TMCO4: variants seen among roughly 807,000 people sequenced by gnomAD.
TMCO4 encodes the protein transmembrane and coiled-coil domain-containing protein 4.
TMCO4 carries 58 observed loss-of-function variants against 64.7 expected under a neutral mutation model. The ratio of observed to expected loss-of-function variants is 0.90; its 90% CI spans 0.73 to 1.12. The LOEUF (loss-of-function observed/expected upper bound fraction) is 1.12. Among genes scored for constraint, TMCO4 ranks in the 50% most tolerant of loss-of-function variants. The probability of loss-of-function intolerance (pLI) is 0.00; values close to 1 mark genes in which losing one functional copy is unlikely to be tolerated. For missense variants in TMCO4, 780 were observed against 825.9 expected, an observed-to-expected ratio of 0.94 and a Z score of 0.68; for synonymous variants, 325 against 346.1, an observed-to-expected ratio of 0.94 and a Z score of 0.68.
At chr1:19,776,881 GC>G (rs1446044771) in intron 4 of TMCO4, among the ~76,000 whole-genome samples, 2 of 152,172 alleles carry the variant, frequency 1.3e-5, no homozygotes, top group East Asian at 3.9e-4. Context: ...ACGAAAATTA[GC>G]CAGGCATGGT....
chr1:19,790,046 ACTCTGC>A (rs1343794771), intron 2 of TMCO4, among the ~76,000 whole-genome samples: 11 of 144,568 alleles, frequency 7.6e-5, no homozygotes, highest in South Asian at 4.5e-4. Flanking sequence ...ACAGAGTGAG[ACTCTGC>A]CTCAGAAAAA....
chr1:19,689,785 C>T (rs2095177588), intron 15 of TMCO4, among the ~76,000 whole-genome samples: 2 of 152,244 alleles, frequency 1.3e-5, no homozygotes, highest in Non-Finnish European at 2.9e-5. Context: ...TGCTCCCTTT[C>T]ACCCCATTCA....
In TMCO4 at chr1:19,732,737, G is replaced by C. The variant is rs1412469200; in HGVS notation, c.1264+4635C>G. 6.6e-6 allele frequency among the ~76,000 whole-genome samples: 1 copy of C among 151,812 alleles called. No homozygotes were observed. Among genetic ancestry groups the C allele is most frequent in the African/African-American group, 2.4e-5 (1 of 41,352 alleles). On this transcript the variant is annotated intron_variant, in intron 13 of 15. Coordinates refer to ENST00000294543, the MANE Select transcript of TMCO4 (RefSeq NM_181719.7). This position sits in a 1 kb window ranked among gnomAD's most constrained non-coding sequence, Gnocchi z 4.8. Reference sequence around the variant, plus strand: ...GAGACCCTGTCTTTAAAAAAATGAAGAATGTGTTTAGAGTTTTCTGGGCCC... The same window carrying C: ...GAGACCCTGTCTTTAAAAAAATGAACAATGTGTTTAGAGTTTTCTGGGCCC...
chr1:19,759,673 A>ATCAGTCAGGTCTCCACTTAAATATCACT (rs2042413633), intron 6 of TMCO4, among the ~76,000 whole-genome samples: 2 of 152,002 alleles, frequency 1.3e-5, no homozygotes, highest in Non-Finnish European at 2.9e-5. Context: ...GCCCTTTCCC[A>ATCAGTCAGGTCTCCACTTAAATATCACT]TCAGTCAGGT....
chr1:19,776,000 C>T (rs927463773), intron 4 of TMCO4, among the ~76,000 whole-genome samples: 4 of 152,184 alleles, frequency 2.6e-5, no homozygotes, highest in African/African-American at 9.7e-5. Context: ...CCCCACCTCC[C>T]GGATTCAAGC....
chr1:19,751,040 C>T (rs538403455), intron 7 of TMCO4, among the ~76,000 whole-genome samples: 28 of 152,350 alleles, frequency 1.8e-4, no homozygotes, highest in African/African-American at 6.7e-4. Context: ...ACAAGTTCCT[C>T]CTCCAGGGAT....
At chr1:19,797,498 G>A (rs192542944) in intron 2 of TMCO4, among the ~76,000 whole-genome samples, 2 of 152,244 alleles carry the variant, frequency 1.3e-5, no homozygotes, top group Admixed American at 1.3e-4. Flanking sequence ...CTGAGATGCG[G>A]CTGGAGGTGT....
chr1:19,771,977 T>C (rs1339388065), intron 4 of TMCO4, among the ~76,000 whole-genome samples: 2 of 152,054 alleles, frequency 1.3e-5, no homozygotes, highest in African/African-American at 4.8e-5. Context: ...TGGATTTTGG[T>C]TTCTTCTCTC....
intron 2 of TMCO4, among the ~76,000 whole-genome samples, chr1:19,791,524 G>A (rs2044037601): frequency 6.6e-6 from 1 of 152,168 alleles, no homozygotes; most frequent in African/African-American, 2.4e-5. Context: ...GTGTGGGAAT[G>A]CGTCACCTGC....
rs2095487528 is a variant in TMCO4, at chr1:19,743,125, A to G, written c.878-2184T>C. 6.6e-6 allele frequency among the ~76,000 whole-genome samples: 1 copy of G among 152,166 alleles called. No individual in the cohort carries two copies. The highest frequency in any genetic ancestry group is 2.1e-4 in the South Asian group (1 of 4,824). On this transcript the variant is annotated intron_variant, in intron 10 of 15. Coordinates refer to ENST00000294543, the MANE Select transcript of TMCO4 (RefSeq NM_181719.7). This position sits in a 1 kb window ranked among gnomAD's most constrained non-coding sequence, Gnocchi z 4.1. ...GTGCTCTACTGCATTGTGCTGTCCTATGGCCAAGAATATGGGCTGGAGCCA... is the reference window on the plus strand; with the variant it reads ...GTGCTCTACTGCATTGTGCTGTCCTGTGGCCAAGAATATGGGCTGGAGCCA...
rs78450716 is a variant in TMCO4, at chr1:19,733,866, C to T, written c.1264+3506G>A. ...ACTGCCTGCTCTGCCACCTCCTAGC[C>T]GTGTGATTCAGGCAAATCCCTACAC... On this transcript the variant is annotated intron_variant, in intron 13 of 15. Transcript: ENST00000294543. Among the ~76,000 whole-genome samples the T allele has an allele frequency of 8.9e-3, 1,361 of 152,276 alleles. 17 individuals carry two copies. Among genetic ancestry groups the T allele is most frequent in the South Asian group, 0.054 (262 of 4,826 alleles).
chr1:19,797,911 A>AGAGG (rs1205637610), intron 2 of TMCO4, among the ~76,000 whole-genome samples: 2 of 127,438 alleles, frequency 1.6e-5, no homozygotes, highest in African/African-American at 3.0e-5. Flanking sequence ...AGGGAGGGAG[A>AGAGG]GAGGGAGGGA....
intron 6 of TMCO4, among the ~76,000 whole-genome samples, chr1:19,763,412 A>G (rs2294636): frequency 0.48 from 73,023 of 152,112 alleles, 18,312 homozygotes; most frequent in African/African-American, 0.65. Context: ...TTGTTGAGGG[A>G]CAATAAGAGG....
Position 19,798,875 on chromosome 1 carries a change from A to G in TMCO4, c.-179-660T>C, listed in dbSNP as rs529760096. Among the ~76,000 whole-genome samples the G allele has an allele frequency of 7.9e-5, 12 of 152,370 alleles. No individual in the cohort carries two copies. The South Asian group carries it at 2.3e-3, about 29-fold the overall frequency. ...TGCTCAACAAATATTTGGTGAATGAACAAATGGATGTTCCCAAAGCTTAAA... is the reference window on the plus strand; with the variant it reads ...TGCTCAACAAATATTTGGTGAATGAGCAAATGGATGTTCCCAAAGCTTAAA... On this transcript the variant is annotated intron_variant, in intron 1 of 15. Transcript: ENST00000294543.
At chr1:19,700,906 AG>A (rs1323290933) in intron 13 of TMCO4, 21 bp from the exon 14 acceptor site, 1 of 1,609,114 alleles carries the variant, frequency 6.2e-7, no homozygotes, top group African/African-American at 1.3e-5. Flanking sequence ...ACCCCAGAAA[AG>A]GCCGTCAGTG....
At chr1:19,697,224 C>T (rs1374860106) in intron 14 of TMCO4, among the ~76,000 whole-genome samples, 2 of 152,190 alleles carry the variant, frequency 1.3e-5, no homozygotes, top group African/African-American at 4.8e-5. Flanking sequence ...GACATCCCCT[C>T]CTCCAGGGAG....
Position 19,747,159 on chromosome 1 carries a change from T to C in TMCO4, c.613+4A>G. The C allele has an allele frequency of 1.2e-6, 2 of 1,613,700 alleles. No homozygotes were observed. The highest frequency in any genetic ancestry group is 1.7e-6 in the Non-Finnish European group (2 of 1,179,692). On this transcript the variant is annotated splice_donor_region_variant and intron_variant, in intron 8 of 15. Transcript: ENST00000294543. ...CGTGTGCCACCATCTCTAGCTGGAC[T>C]CACCGATCACCGTTCCGCCTCCGAC... is the stretch of plus-strand genomic sequence containing the variant.
At chr1:19,726,504 T>A (rs2095409439) in intron 13 of TMCO4, among the ~76,000 whole-genome samples, 1 of 152,050 alleles carries the variant, frequency 6.6e-6, no homozygotes, top group South Asian at 2.1e-4. Flanking sequence ...AGCTCCACAT[T>A]CCAGCTTCAT....
Position 19,740,803 on chromosome 1 carries a change from T to C in TMCO4, c.1016A>G (p.Glu339Gly). The C allele has an allele frequency of 6.2e-7, 1 of 1,613,580 alleles. No individual in the cohort carries two copies. ...AGACAACACTGTGTACTTTAGGGCC[T>C]CCTGGGCCACCATGTTGGCGAGACC... is the stretch of plus-strand genomic sequence containing the variant. The part of the protein sequence containing the change: ...LSGLANMVAQ[E>G]ALKYTVLSGI... The change falls in exon 11 of 16, where the codon GAG becomes GGG. Residue 339 changes from glutamate to glycine, a missense_variant. Physicochemically the swap from Glu to Gly is moderately conservative, Grantham distance 98 (BLOSUM62 -2). Transcript: ENST00000294543.
Sources: allele counts gnomAD v4.1 joint callset (sites outside exome capture counted in the v4.1 genomes callset), GRCh38; gene constraint gnomAD v4.1.1; non-coding constraint Gnocchi (gnomAD v3.1); transcripts MANE v1.5; gene names NCBI Gene and HGNC (gene_info 2026-07-23, HGNC 2026-07-21).